PTPRT: variants seen among roughly 807,000 people sequenced by gnomAD.
PTPRT encodes the protein receptor-type tyrosine-protein phosphatase T.
A neutral mutation model predicts 176.8 loss-of-function variants in PTPRT; 56 were observed. The observed-to-expected ratio is 0.32, with a 90% CI of 0.26 to 0.40. PTPRT has a LOEUF of 0.40. PTPRT is among the 10% of genes least tolerant of loss of function. The probability of loss-of-function intolerance (pLI) is 1.00; values close to 1 mark genes in which losing one functional copy is unlikely to be tolerated. For synonymous variants in PTPRT, 783 were observed against 739.0 expected (o/e 1.06, Z -0.96); for missense variants, 1,540 against 1,908.2 (o/e 0.81, Z 3.60).
At chr20:43,031,841 G>T (rs1366309039) in intron 1 of PTPRT, among the ~76,000 whole-genome samples, 1 of 152,128 alleles carries the variant, frequency 6.6e-6, no homozygotes, top group African/African-American at 2.4e-5. Context: ...AAAACACCTG[G>T]GGTCTGAGTC....
intron 6 of PTPRT, among the ~76,000 whole-genome samples, chr20:42,690,821 G>T (rs966837136): frequency 6.6e-6 from 1 of 152,164 alleles, no homozygotes; most frequent in Non-Finnish European, 1.5e-5. Context: ...ACTCCCTTGT[G>T]GCTGAGTTTC....
rs139164351 is a variant in PTPRT at position 42,643,196 on chromosome 20, A to G, written c.1153+34670T>C. ...CCAGTTCCATTACTTCACACATACTATTTTCTTCATACATGCTGATAACAC... is the reference window on the plus strand; with the variant it reads ...CCAGTTCCATTACTTCACACATACTGTTTTCTTCATACATGCTGATAACAC... On this transcript the variant is annotated intron_variant, in intron 7 of 30. Transcript: ENST00000373187. Among the ~76,000 whole-genome samples the G allele has an allele frequency of 2.8e-3, 429 of 152,178 alleles. 5 individuals carry two copies. The highest frequency in any genetic ancestry group is 9.9e-3 in the African/African-American group (411 of 41,512).
chr20:42,232,481 T>G (rs977724109), intron 15 of PTPRT, among the ~76,000 whole-genome samples: 1 of 152,144 alleles, frequency 6.6e-6, no homozygotes, highest in African/African-American at 2.4e-5. Flanking sequence ...ATGCTACTGG[T>G]CCAGGGTCCA....
intron 6 of PTPRT, chr20:42,685,510 C>T (rs541172418): frequency 9.2e-5 from 14 of 152,278 alleles, no homozygotes; most frequent in African/African-American, 3.4e-4. Context: ...TTCATCCACA[C>T]AGCATTTAGG....
intron 1 of PTPRT, among the ~76,000 whole-genome samples, chr20:42,989,939 T>C (rs988042579): frequency 6.6e-6 from 1 of 152,186 alleles, no homozygotes; most frequent in Non-Finnish European, 1.5e-5. Flanking sequence ...ACAGCCCTTG[T>C]GGAGATGTTG....
intron 1 of PTPRT, among the ~76,000 whole-genome samples, chr20:43,073,794 C>T (rs2011215444): frequency 6.6e-6 from 1 of 152,020 alleles, no homozygotes; most frequent in Admixed American, 6.6e-5. Flanking sequence ...ACTCTGTTGC[C>T]TACGCTGGAG....
At chr20:43,167,872 A>T (rs1050173165) in intron 1 of PTPRT, among the ~76,000 whole-genome samples, 16 of 152,356 alleles carry the variant, frequency 1.1e-4, no homozygotes, top group Middle Eastern at 3.4e-3. Flanking sequence ...TGGAGCCTTC[A>T]TATGAGATCA....
At chr20:42,260,463 T>G (rs2056729680) in intron 13 of PTPRT, among the ~76,000 whole-genome samples, 1 of 152,214 alleles carries the variant, frequency 6.6e-6, no homozygotes, top group Non-Finnish European at 1.5e-5. Context: ...AGAACAGATG[T>G]AAGAAGAAGA....
chr20:42,093,510 T>C (rs967951469), intron 27 of PTPRT, among the ~76,000 whole-genome samples: 1 of 152,198 alleles, frequency 6.6e-6, no homozygotes, highest in African/African-American at 2.4e-5. Context: ...AGTGTAAGAT[T>C]CTGAGCAGGG....
At chr20:43,034,370 T>C (rs2208048) in intron 1 of PTPRT, among the ~76,000 whole-genome samples, 2 of 151,750 alleles carry the variant, frequency 1.3e-5, no homozygotes, top group Non-Finnish European at 1.5e-5. Context: ...CTATTCACGA[T>C]TGCTACTGCT....
At chr20:42,199,793 A>T (rs1379088705) in intron 15 of PTPRT, among the ~76,000 whole-genome samples, 1 of 152,098 alleles carries the variant, frequency 6.6e-6, no homozygotes, top group Non-Finnish European at 1.5e-5. Context: ...TGTCTTTCTC[A>T]GGAACTGAGC....
intron 12 of PTPRT, among the ~76,000 whole-genome samples, chr20:42,292,384 G>A (rs1403593197): frequency 2.0e-5 from 3 of 151,538 alleles, no homozygotes; most frequent in Non-Finnish European, 4.4e-5. Flanking sequence ...CCAGGCTGGA[G>A]TGCAATGGCT....
chr20:42,631,426 CAT>C (rs980941088), intron 7 of PTPRT, among the ~76,000 whole-genome samples: 55 of 152,260 alleles, frequency 3.6e-4, no homozygotes, highest in African/African-American at 1.3e-3. Flanking sequence ...CATATTGCCA[CAT>C]GTTATGTTCC....
At chr20:42,175,126 G>T (rs374456086) in intron 16 of PTPRT, among the ~76,000 whole-genome samples, 1 of 152,068 alleles carries the variant, frequency 6.6e-6, no homozygotes, top group South Asian at 2.1e-4. Context: ...TAAGGCATGA[G>T]AACTTTTTCA....
At chr20:42,880,593 C>T (rs1053634049) in intron 2 of PTPRT, among the ~76,000 whole-genome samples, 9 of 152,152 alleles carry the variant, frequency 5.9e-5, no homozygotes, top group African/African-American at 2.2e-4. Flanking sequence ...TAATTCAGGG[C>T]TGTACCTCAG....
chr20:42,170,361 G>C lies in PTPRT; in HGVS notation c.2492-8819C>G, dbSNP rs569699639. On this transcript the variant is annotated intron_variant, in intron 16 of 30. Coordinates refer to ENST00000373187, the MANE Select transcript of PTPRT (RefSeq NM_007050.6). ...CAACAGAAAGTAGAAGTGCATTTTAGGTTCCTTGAAGTTTATTGAAAACGA... is the reference window on the plus strand; with the variant it reads ...CAACAGAAAGTAGAAGTGCATTTTACGTTCCTTGAAGTTTATTGAAAACGA... 1.7e-4 allele frequency among the ~76,000 whole-genome samples: 26 copies of C among 152,198 alleles called. 1 individual carries two copies. In the South Asian group the frequency reaches 4.8e-3, roughly 28 times the overall value.
the PTPRT span, among the ~76,000 whole-genome samples, chr20:42,037,231 T>C: frequency 1.3e-5 from 2 of 152,276 alleles, no homozygotes; most frequent in East Asian, 1.9e-4. Context: ...ACAGAAACAA[T>C]GATGCTGTGT....
At chr20:42,458,350 A>G (rs1191393965) in intron 8 of PTPRT, among the ~76,000 whole-genome samples, 2 of 152,180 alleles carry the variant, frequency 1.3e-5, no homozygotes, top group Non-Finnish European at 2.9e-5. Flanking sequence ...TTGAAGCCAC[A>G]CTGCCTGGGT....
At chr20:42,877,799 T>C (rs991497522) in intron 2 of PTPRT, among the ~76,000 whole-genome samples, 9 of 152,174 alleles carry the variant, frequency 5.9e-5, no homozygotes, top group African/African-American at 1.9e-4. Context: ...TCCACCTGGA[T>C]TGACTAGTGC....
Sources: allele counts gnomAD v4.1 joint callset (sites outside exome capture counted in the v4.1 genomes callset), GRCh38; gene constraint gnomAD v4.1.1; transcripts MANE v1.5; gene names NCBI Gene and HGNC (gene_info 2026-07-23, HGNC 2026-07-21).